The following JAKMIP2 variants were observed in gnomAD, a reference collection of about 807,000 sequenced individuals.
JAKMIP2 encodes janus kinase and microtubule interacting protein 2.
In JAKMIP2, 25 loss-of-function variants were observed where a neutral mutation model predicts 115.0. The observed-to-expected ratio is 0.22, with a 90% CI of 0.16 to 0.30. The LOEUF (loss-of-function observed/expected upper bound fraction) is 0.30, where lower values mean the gene tolerates loss of function less well. JAKMIP2 is among the 10% of genes least tolerant of loss of function. JAKMIP2 has a pLI of 1.00. For synonymous variants in JAKMIP2, 334 were observed against 343.6 expected, an observed-to-expected ratio of 0.97 and a Z score of 0.31; for missense variants, 642 against 957.6, an observed-to-expected ratio of 0.67 and a Z score of 4.35.
At chr5:147,643,733 C>A (rs568263028) in intron 7 of JAKMIP2, among the ~76,000 whole-genome samples, 4 of 152,150 alleles carry the variant, frequency 2.6e-5, no homozygotes, top group Non-Finnish European at 5.9e-5. Context: ...CTCTGAGCCT[C>A]GGGATCCTGC....
At chr5:147,696,243 C>T (rs1275037031) in intron 1 of JAKMIP2, among the ~76,000 whole-genome samples, 3 of 152,046 alleles carry the variant, frequency 2.0e-5, no homozygotes, top group Non-Finnish European at 2.9e-5. Context: ...AGCCAAAACT[C>T]GAATTGTAGT....
chr5:147,634,511 A>C (rs1221774833), intron 12 of JAKMIP2, among the ~76,000 whole-genome samples: 1 of 152,214 alleles, frequency 6.6e-6, no homozygotes, highest in Non-Finnish European at 1.5e-5. Context: ...AGGAGATTCT[A>C]CTTCCTAGAA....
chr5:147,611,691 G>C (rs774176842), intron 20 of JAKMIP2, among the ~76,000 whole-genome samples: 2 of 151,788 alleles, frequency 1.3e-5, no homozygotes, highest in Admixed American at 6.6e-5. Context: ...TGTGTAGCTC[G>C]CTGCTGCTTG....
intron 18 of JAKMIP2, among the ~76,000 whole-genome samples, chr5:147,618,625 C>A (rs2126647023): frequency 6.6e-6 from 1 of 152,194 alleles, no homozygotes; most frequent in East Asian, 1.9e-4. Flanking sequence ...GTAATCCCAG[C>A]TACTCTGGAG....
intron 1 of JAKMIP2, among the ~76,000 whole-genome samples, chr5:147,771,371 T>C (rs1755347808): frequency 6.6e-6 from 1 of 151,990 alleles, no homozygotes; most frequent in East Asian, 1.9e-4. Flanking sequence ...ACAAATTTAG[T>C]GCAATGCTAG....
intron 5 of JAKMIP2, among the ~76,000 whole-genome samples, chr5:147,646,096 G>A (rs950829496): frequency 6.6e-6 from 1 of 152,170 alleles, no homozygotes; most frequent in African/African-American, 2.4e-5. Flanking sequence ...ACTTTTTAAA[G>A]TGCGCACTAC....
Position 147,615,385 on chromosome 5 carries a change from T to C in JAKMIP2, c.2346+2526A>G, listed in dbSNP as rs74497126. On this transcript the variant is annotated intron_variant, in intron 19 of 21. Transcript: ENST00000616793. ...GATGAGCAATTATGCAACAAGGGCT[T>C]AGAGGTGGAAAATCACAGCACAAGT... Among the ~76,000 whole-genome samples the C allele has an allele frequency of 6.3e-3, 951 of 152,144 alleles. 52 individuals are homozygous for C. The East Asian group carries it at 0.13, about 21-fold the overall frequency.
At chr5:147,658,207 G>T (rs1490378660) in intron 3 of JAKMIP2, among the ~76,000 whole-genome samples, 1 of 152,110 alleles carries the variant, frequency 6.6e-6, no homozygotes, top group Non-Finnish European at 1.5e-5. Context: ...TGATGTTGTT[G>T]TTGCTGCTTT....
chr5:147,645,437 G>A (rs1056456174), intron 5 of JAKMIP2, among the ~76,000 whole-genome samples: 3 of 152,096 alleles, frequency 2.0e-5, no homozygotes, highest in African/African-American at 7.2e-5. Flanking sequence ...TCCAAGCCTG[G>A]TTATGTCCAA....
intron 1 of JAKMIP2, among the ~76,000 whole-genome samples, chr5:147,736,927 G>T (rs1753946494): frequency 6.6e-6 from 1 of 152,136 alleles, no homozygotes; most frequent in South Asian, 2.1e-4. Context: ...TAGTAGTCAT[G>T]CATGAGATAT....
chr5:147,721,472 C>T (rs2126943307), intron 1 of JAKMIP2, among the ~76,000 whole-genome samples: 1 of 152,286 alleles, frequency 6.6e-6, no homozygotes. Context: ...GCAGTTTGAT[C>T]TCAGACTGCT....
chr5:147,640,968 C>G (rs1757855893), intron 8 of JAKMIP2, 145 bp from the exon 9 acceptor site: 1 of 628,726 alleles, frequency 1.6e-6, no homozygotes, highest in Non-Finnish European at 2.6e-6. Flanking sequence ...AAACATTAGG[C>G]ATGAGCATAA....
At chr5:147,722,525 C>T (rs1753354549) in intron 1 of JAKMIP2, among the ~76,000 whole-genome samples, 1 of 152,090 alleles carries the variant, frequency 6.6e-6, no homozygotes, top group African/African-American at 2.4e-5. Flanking sequence ...ATGTCACAGG[C>T]TATAATTTAT....
intron 1 of JAKMIP2, among the ~76,000 whole-genome samples, chr5:147,767,727 A>T (rs1368724281): frequency 1.3e-5 from 2 of 152,146 alleles, no homozygotes; most frequent in African/African-American, 4.8e-5. Context: ...TTTCTCATGC[A>T]TATGCCCTCA....
At chr5:147,630,734 C>T (rs541806872) in intron 14 of JAKMIP2, among the ~76,000 whole-genome samples, 1 of 152,062 alleles carries the variant, frequency 6.6e-6, no homozygotes, top group Non-Finnish European at 1.5e-5. Flanking sequence ...TAAGGAGAGA[C>T]CAGGAATAGC....
chr5:147,600,878 A>G lies in JAKMIP2; in HGVS notation c.*20+863T>C, dbSNP rs1372528254. Among the ~76,000 whole-genome samples the G allele has an allele frequency of 7.9e-5, 12 of 152,228 alleles. No homozygotes were observed. The East Asian group carries it at 2.3e-3, about 29-fold the overall frequency. ...TAAGACTCTCCTTTTTGTTTTCTATATTGACATTGAAAAGTAACTTATTTG... is the reference window on the plus strand; with the variant it reads ...TAAGACTCTCCTTTTTGTTTTCTATGTTGACATTGAAAAGTAACTTATTTG... On this transcript the variant is annotated intron_variant, in intron 21 of 21. Coordinates refer to ENST00000616793, the MANE Select transcript of JAKMIP2 (RefSeq NM_001270941.2).
chr5:147,592,774 G>C (rs1224051482), intron 21 of JAKMIP2, among the ~76,000 whole-genome samples: 2 of 152,176 alleles, frequency 1.3e-5, no homozygotes, highest in Non-Finnish European at 2.9e-5. Context: ...TAAATCCAAA[G>C]TTAAATGTTA....
At chr5:147,718,665 T>G (rs942309443) in intron 1 of JAKMIP2, among the ~76,000 whole-genome samples, 1 of 152,188 alleles carries the variant, frequency 6.6e-6, no homozygotes, top group African/African-American at 2.4e-5. Context: ...CTGATGGTAG[T>G]TTGTATTTCT....
chr5:147,633,525 A>G (rs4705187), intron 12 of JAKMIP2, among the ~76,000 whole-genome samples: 4,550 of 152,240 alleles, frequency 0.03, 83 homozygotes, highest in Non-Finnish European at 0.048. Flanking sequence ...TCTAATGTCC[A>G]TAAGAGCCTT....
Sources: allele counts gnomAD v4.1 joint callset (sites outside exome capture counted in the v4.1 genomes callset), GRCh38; gene constraint gnomAD v4.1.1; transcripts MANE v1.5; gene names NCBI Gene and HGNC (gene_info 2026-07-23, HGNC 2026-07-21).